Variants in SCN7A observed in about 807,000 individuals in gnomAD.
SCN7A encodes sodium voltage-gated channel alpha subunit 7.
In SCN7A, 138 loss-of-function variants were observed where a neutral mutation model predicts 155.2. The ratio of observed to expected loss-of-function variants is 0.89; its 90% confidence interval spans 0.77 to 1.02. The LOEUF is 1.02. SCN7A is among the 50% of genes least tolerant of loss of function. The probability of loss-of-function intolerance (pLI) is 0.00; values close to 1 mark genes in which losing one functional copy is unlikely to be tolerated. For missense variants in SCN7A, 2,058 were observed against 1,986.6 expected, an observed-to-expected ratio of 1.04 and a Z score of -0.68; for synonymous variants, 693 against 649.0, an observed-to-expected ratio of 1.07 and a Z score of -1.03.
chr2:166,461,044 T>TTTTC (rs1374983332), intron 10 of SCN7A, among the ~76,000 whole-genome samples: 1 of 123,190 alleles, frequency 8.1e-6, no homozygotes, highest in Non-Finnish European at 1.7e-5. Context: ...ACTTGTAATA[T>TTTTC]TTTCTTTTTT....
At chr2:166,433,613 A>T (rs1701778445) in intron 15 of SCN7A, among the ~76,000 whole-genome samples, 1 of 152,076 alleles carries the variant, frequency 6.6e-6, no homozygotes, top group South Asian at 2.1e-4. Flanking sequence ...TTATTTTCTC[A>T]CTGAGTCAAG....
intron 10 of SCN7A, among the ~76,000 whole-genome samples, chr2:166,458,551 T>C (rs914428101): frequency 1.3e-5 from 2 of 152,184 alleles, no homozygotes; most frequent in Non-Finnish European, 2.9e-5. Context: ...TTTAGGTCAA[T>C]GACCAGCAGC....
At chr2:166,482,292 A>T (rs190781735) in intron 2 of SCN7A, among the ~76,000 whole-genome samples, 4 of 152,250 alleles carry the variant, frequency 2.6e-5, no homozygotes, top group African/African-American at 9.6e-5. Flanking sequence ...AAGAGGTTAT[A>T]AACTTCTTGC....
At chr2:166,441,913 A>T (rs1701970495) in intron 14 of SCN7A, among the ~76,000 whole-genome samples, 161 bp from the exon 15 acceptor site, 1 of 152,186 alleles carries the variant, frequency 6.6e-6, no homozygotes, top group South Asian at 2.1e-4. Context: ...TTCTTAATAC[A>T]TCTTAAATAT....
At chr2:166,475,122 A>ATATACG (rs1702764678) in intron 3 of SCN7A, among the ~76,000 whole-genome samples, 1 of 93,838 alleles carries the variant, frequency 1.1e-5, no homozygotes, top group African/African-American at 4.1e-5. Flanking sequence ...ATATATATAC[A>ATATACG]TATATATATA....
intron 2 of SCN7A, among the ~76,000 whole-genome samples, chr2:166,481,909 AT>A (rs1194130171): frequency 6.6e-6 from 1 of 152,168 alleles, no homozygotes; most frequent in Non-Finnish European, 1.5e-5. Flanking sequence ...GCCAGAAGAG[AT>A]TTGGCTTGAG....
chr2:166,432,694 G>A lies in SCN7A; in HGVS notation c.2216C>T (p.Ala739Val), dbSNP rs186193978. ...SSFSSCKDVTAEENNEAKNLQ... is the reference protein window; with the variant it reads ...SSFSSCKDVTVEENNEAKNLQ... ...ATTTTTTGCTTCATTATTCTCTTCAGCTGTTACATCCTTGCATGAACTAAA... is the reference window on the plus strand; with the variant it reads ...ATTTTTTGCTTCATTATTCTCTTCAACTGTTACATCCTTGCATGAACTAAA... The change falls in exon 16 of 26, where the codon GCT (alanine) becomes GTT (valine). Residue 739 changes from alanine to valine, a missense_variant. By Grantham distance (64) the Ala-to-Val change is moderately conservative. Coordinates refer to ENST00000643258, the MANE Select transcript of SCN7A (RefSeq NM_002976.4). 74 of 1,596,410 alleles carry A rather than the reference G, an allele frequency of 4.6e-5. No homozygotes were observed. In the African/African-American group the frequency reaches 8.8e-4, roughly 19 times the overall value.
intron 9 of SCN7A, 96 bp downstream of exon 9, chr2:166,465,366 C>T (rs1702505579): frequency 1.2e-6 from 1 of 863,742 alleles, no homozygotes; most frequent in Admixed American, 2.5e-5. Flanking sequence ...TGAGATAATA[C>T]AATCAAATGG....
In SCN7A at chr2:166,429,207, A is replaced by G. The variant is rs1256535838; in HGVS notation, c.2660T>C (p.Met887Thr). Reference sequence around the variant, plus strand: ...CTTTGATCTTTCACCTCCATAGAACATTTCTTCTTCTTCAGAGATAGCAAT... The same window carrying G: ...CTTTGATCTTTCACCTCCATAGAACGTTTCTTCTTCTTCAGAGATAGCAAT... ...VDIAISEEEE[M>T]FYGGERSKHL... Residue 887 changes from methionine (M) to threonine (T), a missense_variant, in exon 17 of 26, where the codon ATG (methionine) becomes ACG (threonine). Met to Thr is a moderately conservative substitution (Grantham distance 81). Transcript: ENST00000643258. 1 of 1,546,914 alleles carries G rather than the reference A, an allele frequency of 6.5e-7. No individual in the cohort carries two copies. The highest frequency in any genetic ancestry group is 2.0e-5 in the Admixed American group (1 of 49,254).
At chr2:166,477,052 A>T (rs536787179) in intron 3 of SCN7A, among the ~76,000 whole-genome samples, 3 of 152,166 alleles carry the variant, frequency 2.0e-5, no homozygotes, top group Admixed American at 2.0e-4. Flanking sequence ...GATAAATAAC[A>T]TACGGGTTGT....
intron 19 of SCN7A, among the ~76,000 whole-genome samples, chr2:166,422,306 A>C (rs192843571): frequency 1.8e-3 from 279 of 152,264 alleles, no homozygotes; most frequent in Non-Finnish European, 2.2e-3. Context: ...CCAAGAAAAA[A>C]TTCTACCCTA....
chr2:166,461,048 C>CTTTTTT (rs34717897), intron 10 of SCN7A, among the ~76,000 whole-genome samples: 2 of 96,706 alleles, frequency 2.1e-5, no homozygotes, highest in Non-Finnish European at 3.9e-5. Context: ...GTAATATTTT[C>CTTTTTT]TTTTTTTTTT....
chr2:166,432,536 C>A lies in SCN7A; in HGVS notation c.2374G>T (p.Asp792Tyr). Reference sequence around the variant, plus strand: ...TTGCTCAATTCAGAAAGGGTATGGTCAGAAATATCTTCTTTAACATATACC... The same window carrying A: ...TTGCTCAATTCAGAAAGGGTATGGTAAGAAATATCTTCTTTAACATATACC... ...NEVYVKEDISDHTLSELSNTQ... is the reference protein window; with the variant it reads ...NEVYVKEDISYHTLSELSNTQ... The change falls in exon 16 of 26, where the codon GAC becomes TAC. Residue 792 changes from aspartate to tyrosine, a missense_variant. Asp to Tyr is a radical substitution (Grantham distance 160). Coordinates refer to ENST00000643258, the MANE Select transcript of SCN7A (RefSeq NM_002976.4). 1.2e-6 allele frequency: 2 copies of A among 1,613,508 alleles called. No individual in the cohort carries two copies. Among genetic ancestry groups the A allele is most frequent in the Non-Finnish European group, 1.7e-6 (2 of 1,179,622 alleles).
chr2:166,444,651 T>G lies in SCN7A; in HGVS notation c.1626+111A>C. Reference sequence around the variant, plus strand: ...TGCTTCATTCAATAATAATGCATATTGCAACATATTGGAGTTACAGAATAA... The same window carrying G: ...TGCTTCATTCAATAATAATGCATATGGCAACATATTGGAGTTACAGAATAA... On this transcript the variant is annotated intron_variant, in intron 13 of 25. Coordinates refer to ENST00000643258, the MANE Select transcript of SCN7A (RefSeq NM_002976.4). 3 of 654,492 alleles carry G rather than the reference T, an allele frequency of 4.6e-6. No homozygotes were observed. In the South Asian group the frequency reaches 6.1e-5, roughly 13 times the overall value. 40.5% of individuals were successfully genotyped at this position (654,492 alleles called of 1,614,324 possible). A position where few individuals can be genotyped will look rare whatever the true frequency, so the allele number is the denominator to read the frequency against.
chr2:166,429,153 A>T lies in SCN7A; in HGVS notation c.2698+16T>A, dbSNP rs1701680903. 4 of 1,453,128 alleles carry T rather than the reference A, an allele frequency of 2.8e-6. No individual in the cohort carries two copies. In the East Asian group the frequency reaches 1.0e-4, roughly 36 times the overall value. 90.0% of individuals were successfully genotyped at this position (1,453,128 alleles called of 1,614,324 possible). A position where few individuals can be genotyped will look rare whatever the true frequency, so the allele number is the denominator to read the frequency against. On this transcript the variant is annotated intron_variant, in intron 17 of 25. Coordinates refer to ENST00000643258, the MANE Select transcript of SCN7A (RefSeq NM_002976.4). ...TTCAAATTAGTTTCCTAGCAAGATT[A>T]ACAAAATTTTCTTACCATTTTTCAG...
At chr2:166,442,644 C>T (rs371055164) in intron 14 of SCN7A, among the ~76,000 whole-genome samples, 1 of 151,934 alleles carries the variant, frequency 6.6e-6, no homozygotes, top group African/African-American at 2.4e-5. Flanking sequence ...TTCTAGTGTT[C>T]AGCTGTCTTT....
chr2:166,475,117 T>TAG (rs1332121920), intron 3 of SCN7A, among the ~76,000 whole-genome samples: 1 of 121,386 alleles, frequency 8.2e-6, no homozygotes, highest in African/African-American at 3.2e-5. Context: ...TATATATATA[T>TAG]ATACATATAT....
At chr2:166,436,466 C>G in intron 15 of SCN7A, 1 of 388,288 alleles carries the variant, frequency 2.6e-6, no homozygotes, top group Non-Finnish European at 5.1e-6. Context: ...TCAGTTAAAC[C>G]TCTTTCTTTT....
At chr2:166,437,360 C>A (rs779822122) in intron 15 of SCN7A, among the ~76,000 whole-genome samples, 4 of 152,148 alleles carry the variant, frequency 2.6e-5, no homozygotes, top group Admixed American at 6.6e-5. Flanking sequence ...TTGGGAATCT[C>A]CACCAAGATT....
Sources: gnomAD v4.1 joint callset for allele counts (sites outside exome capture counted in the v4.1 genomes callset) on GRCh38, gnomAD v4.1.1 for gene constraint, MANE v1.5 for transcripts, NCBI Gene and HGNC (gene_info 2026-07-23, HGNC 2026-07-21) for gene names.